The following DOCK3 variants were observed in gnomAD, a reference collection of about 807,000 sequenced individuals.
DOCK3 encodes dedicator of cytokinesis 3, also known as dedicator of cytokinesis protein 3.
In DOCK3, 60 loss-of-function variants were observed where a neutral mutation model predicts 265.6. The observed-to-expected ratio is 0.23, with a 90% CI of 0.18 to 0.28. DOCK3 has a LOEUF of 0.28. Ranked by LOEUF, DOCK3 falls within the 10% of genes least tolerant of loss-of-function variation. DOCK3 has a pLI of 1.00. For synonymous variants in DOCK3, 881 were observed against 938.0 expected (o/e 0.94, Z 1.11); for missense variants, 1,981 against 2,594.3 (o/e 0.76, Z 5.14).
At chr3:51,196,896 T>C (rs2088332981) in intron 12 of DOCK3, among the ~76,000 whole-genome samples, 2 of 152,244 alleles carry the variant, frequency 1.3e-5, no homozygotes, top group South Asian at 4.1e-4. Context: ...TGGATACTTA[T>C]TATGTTCCTT....
intron 5 of DOCK3, among the ~76,000 whole-genome samples, chr3:51,038,115 G>A (rs2080341862): frequency 6.6e-6 from 1 of 152,176 alleles, no homozygotes; most frequent in Non-Finnish European, 1.5e-5. Flanking sequence ...GAATCACAGA[G>A]TCAAATGCTA....
chr3:50,903,744 C>A (rs2049322214), intron 4 of DOCK3, among the ~76,000 whole-genome samples: 1 of 151,680 alleles, frequency 6.6e-6, no homozygotes, highest in Non-Finnish European at 1.5e-5. Flanking sequence ...GAAATGGTAC[C>A]AGCTCTTTTT....
chr3:50,920,691 GA>G (rs1287341894), intron 4 of DOCK3, among the ~76,000 whole-genome samples: 1 of 151,972 alleles, frequency 6.6e-6, no homozygotes, highest in African/African-American at 2.4e-5. Flanking sequence ...GATCTTTTCA[GA>G]AAACCAGCTC....
chr3:50,686,667 C>T (rs950533070), intron 1 of DOCK3, among the ~76,000 whole-genome samples: 6 of 152,100 alleles, frequency 3.9e-5, no homozygotes, highest in Non-Finnish European at 5.9e-5. Flanking sequence ...TCAGCACTTT[C>T]GGAGGCTGAG....
At chr3:51,089,353 A>C in intron 8 of DOCK3, 69 bp downstream of exon 8, 1 of 1,525,652 alleles carries the variant, frequency 6.6e-7, no homozygotes, top group Non-Finnish European at 8.9e-7. Flanking sequence ...ACAACATATG[A>C]ATACACCAGG....
chr3:51,000,808 A>G (rs1190917340), intron 5 of DOCK3, among the ~76,000 whole-genome samples: 2 of 152,100 alleles, frequency 1.3e-5, no homozygotes, highest in African/African-American at 4.8e-5. Flanking sequence ...ACGTGCCACC[A>G]TGCCCAGCTA....
chr3:51,157,699 A>G (rs988745654), intron 10 of DOCK3, among the ~76,000 whole-genome samples: 2 of 151,878 alleles, frequency 1.3e-5, no homozygotes, highest in East Asian at 1.9e-4. Context: ...CTTGCCTCAC[A>G]CTAGTGCTAA....
intron 5 of DOCK3, among the ~76,000 whole-genome samples, chr3:51,056,675 A>G (rs1331630472): frequency 6.6e-6 from 1 of 152,230 alleles, no homozygotes; most frequent in Non-Finnish European, 1.5e-5. Context: ...AGGTTACTTC[A>G]TGAGAAGAGA....
intron 2 of DOCK3, among the ~76,000 whole-genome samples, chr3:50,823,229 GACAAT>G (rs1442287235): frequency 1.9e-4 from 29 of 152,106 alleles, no homozygotes; most frequent in Admixed American, 1.8e-3. Flanking sequence ...AGGGTCACAG[GACAAT>G]AGTGGAGGGA....
intron 39 of DOCK3, among the ~76,000 whole-genome samples, 199 bp from the exon 40 acceptor site, chr3:51,350,089 C>T (rs541943855): frequency 6.6e-5 from 10 of 152,284 alleles, no homozygotes; most frequent in South Asian, 2.1e-4. Context: ...CACCATCAGA[C>T]AGTGGTGATG....
Position 51,338,501 on chromosome 3 carries a change from A to G in DOCK3, c.3672+82A>G, listed in dbSNP as rs1026038808. On this transcript the variant is annotated intron_variant, in intron 36 of 52. Coordinates refer to ENST00000266037, the MANE Select transcript of DOCK3 (RefSeq NM_004947.5). Reference sequence around the variant, plus strand: ...ACTGTGATTGGCTTGGCCCTTCTACAATACATGGCTGCAGGCCTAAGGGTT... The same window carrying G: ...ACTGTGATTGGCTTGGCCCTTCTACGATACATGGCTGCAGGCCTAAGGGTT... 4.4e-5 allele frequency: 65 copies of G among 1,477,972 alleles called. No homozygotes were observed. The Admixed American group carries it at 6.5e-4, about 15-fold the overall frequency. The allele number at this position is 1,477,972 out of a possible 1,614,324, so 91.6% of individuals were successfully genotyped here.
intron 5 of DOCK3, among the ~76,000 whole-genome samples, chr3:51,062,380 GGCCTTT>G (rs2081440944): frequency 6.6e-6 from 1 of 152,062 alleles, no homozygotes; most frequent in African/African-American, 2.4e-5. Flanking sequence ...TCCACCTCAA[GGCCTTT>G]GCACTTGTTT....
intron 26 of DOCK3, among the ~76,000 whole-genome samples, chr3:51,279,006 T>A (rs2080970989): frequency 6.6e-6 from 1 of 152,038 alleles, no homozygotes; most frequent in Non-Finnish European, 1.5e-5. Flanking sequence ...CCCAACACTT[T>A]GGGAGGCCGA....
At chr3:51,109,013 A>G (rs1057114341) in intron 9 of DOCK3, among the ~76,000 whole-genome samples, 8 of 151,956 alleles carry the variant, frequency 5.3e-5, no homozygotes, top group Middle Eastern at 3.2e-3. Context: ...CCTGAACTCA[A>G]CACTGGACCA....
intron 46 of DOCK3, 136 bp from the exon 47 acceptor site, chr3:51,360,375 C>A (rs1170923016): frequency 2.6e-6 from 3 of 1,154,936 alleles, no homozygotes; most frequent in African/African-American, 3.1e-5. Flanking sequence ...AGGAAGTCAG[C>A]AGTTCAGGTT....
intron 4 of DOCK3, among the ~76,000 whole-genome samples, chr3:50,904,455 C>G (rs577196723): frequency 6.6e-6 from 1 of 152,202 alleles, no homozygotes; most frequent in South Asian, 2.1e-4. Context: ...GATCGCCATT[C>G]TAACTGGTGT....
chr3:51,209,383 C>T (rs1341086112), intron 13 of DOCK3, among the ~76,000 whole-genome samples: 1 of 152,134 alleles, frequency 6.6e-6, no homozygotes, highest in African/African-American at 2.4e-5. Context: ...TTCTCCTTTT[C>T]CTTTTCCCTT....
intron 6 of DOCK3, among the ~76,000 whole-genome samples, chr3:51,069,603 T>A (rs1395599558): frequency 6.6e-6 from 1 of 151,964 alleles, no homozygotes; most frequent in African/African-American, 2.4e-5. Context: ...TATATATATA[T>A]AAATTTCTGG....
At chr3:51,282,499 C>T (rs1225232409) in intron 27 of DOCK3, among the ~76,000 whole-genome samples, 1 of 151,712 alleles carries the variant, frequency 6.6e-6, no homozygotes, top group Non-Finnish European at 1.5e-5. Flanking sequence ...ACTAAAAATA[C>T]AAACTTATAC....
Sources: allele counts gnomAD v4.1 joint callset (sites outside exome capture counted in the v4.1 genomes callset), GRCh38; gene constraint gnomAD v4.1.1; transcripts MANE v1.5; gene names NCBI Gene and HGNC (gene_info 2026-07-23, HGNC 2026-07-21).